Variants in RAB38 observed in about 807,000 individuals in gnomAD.
RAB38 encodes ras-related protein Rab-38.
Under a neutral mutation model 18.4 loss-of-function variants are expected in RAB38, and 15 were observed. The observed-to-expected ratio is 0.82, with a 90% CI of 0.55 to 1.26. The LOEUF (loss-of-function observed/expected upper bound fraction) is 1.26, where lower values mean the gene tolerates loss of function less well. RAB38 is among the 50% of genes most tolerant of loss of function. The pLI is 0.00. For missense variants in RAB38, 294 were observed against 267.4 expected, an observed-to-expected ratio of 1.10 and a Z score of -0.69; for synonymous variants, 101 against 104.4, an observed-to-expected ratio of 0.97 and a Z score of 0.20.
the RAB38 span, among the ~76,000 whole-genome samples, chr11:87,878,295 T>TACCTATC: frequency 2.8e-5 from 4 of 143,660 alleles, no homozygotes; most frequent in Non-Finnish European, 4.6e-5. Flanking sequence ...TCTATCTATC[T>TACCTATC]ATCTACCTAT....
chr11:87,907,717 T>A, the RAB38 span, among the ~76,000 whole-genome samples: 1,631 of 151,746 alleles, frequency 0.011, 32 homozygotes, highest in African/African-American at 0.036. Context: ...CTGGTTTTTT[T>A]AAAAATAAAT....
chr11:87,939,656 G>A, the RAB38 span, among the ~76,000 whole-genome samples: 17 of 151,960 alleles, frequency 1.1e-4, no homozygotes, highest in African/African-American at 1.9e-4. Context: ...CCAGGAGTGC[G>A]AGAGCAGCCT....
chr11:87,836,320 T>C, the RAB38 span, among the ~76,000 whole-genome samples: 4 of 152,318 alleles, frequency 2.6e-5, no homozygotes, highest in East Asian at 7.7e-4. Context: ...ATCTGTCCTT[T>C]CTCTGGCATT....
chr11:87,903,396 A>G, the RAB38 span, among the ~76,000 whole-genome samples: 4 of 151,432 alleles, frequency 2.6e-5, no homozygotes, highest in African/African-American at 9.7e-5. Context: ...CAAACTTTCA[A>G]TATTGGGGAA....
At chr11:88,019,344 G>A in the RAB38 span, among the ~76,000 whole-genome samples, 1 of 151,962 alleles carries the variant, frequency 6.6e-6, no homozygotes, top group African/African-American at 2.4e-5. Context: ...CAATCTGCCA[G>A]CACATCCTCT....
the RAB38 span, among the ~76,000 whole-genome samples, chr11:88,030,648 A>C: frequency 1.3e-5 from 2 of 152,192 alleles, no homozygotes; most frequent in Admixed American, 6.5e-5. Context: ...TAAATTCCTC[A>C]ACACATACAC....
chr11:87,849,019 C>G, the RAB38 span, among the ~76,000 whole-genome samples: 3 of 152,032 alleles, frequency 2.0e-5, no homozygotes, highest in African/African-American at 7.2e-5. Context: ...CCTCCCCAGG[C>G]TTAGTAATAA....
chr11:88,045,185 G>C, the RAB38 span, among the ~76,000 whole-genome samples: 219 of 152,198 alleles, frequency 1.4e-3, no homozygotes, highest in African/African-American at 4.9e-3. Flanking sequence ...TTCTCAACAT[G>C]CATTTTATTT....
At chr11:87,856,726 T>G in the RAB38 span, among the ~76,000 whole-genome samples, 1 of 152,148 alleles carries the variant, frequency 6.6e-6, no homozygotes, top group Non-Finnish European at 1.5e-5. Flanking sequence ...TCTTTTTAAT[T>G]TTAATTTTAC....
the RAB38 span, among the ~76,000 whole-genome samples, chr11:88,093,427 C>G: frequency 1.3e-5 from 2 of 151,720 alleles, no homozygotes; most frequent in Non-Finnish European, 2.9e-5. Context: ...TAAAAACAAC[C>G]TAAAACTGAT....
chr11:87,929,051 G>A, the RAB38 span, among the ~76,000 whole-genome samples: 1 of 152,014 alleles, frequency 6.6e-6, no homozygotes, highest in East Asian at 1.9e-4. Context: ...GGAAGTAGAG[G>A]TGGCAGTGAG....
chr11:88,004,051 G>GTA, the RAB38 span, among the ~76,000 whole-genome samples: 10 of 139,438 alleles, frequency 7.2e-5, no homozygotes, highest in African/African-American at 1.0e-4. Flanking sequence ...ATGGGAGAAG[G>GTA]TATATATATA....
At chr11:88,047,142 C>T in the RAB38 span, among the ~76,000 whole-genome samples, 1 of 152,160 alleles carries the variant, frequency 6.6e-6, no homozygotes, top group Non-Finnish European at 1.5e-5. Context: ...TATTTTCTTC[C>T]TCACACCTGA....
At chr11:88,066,128 T>C in the RAB38 span, among the ~76,000 whole-genome samples, 1 of 152,234 alleles carries the variant, frequency 6.6e-6, no homozygotes, top group Admixed American at 6.5e-5. Context: ...GAAGGTTAGA[T>C]AACAAGTTTA....
At chr11:88,063,469 T>C in the RAB38 span, among the ~76,000 whole-genome samples, 27 of 152,190 alleles carry the variant, frequency 1.8e-4, no homozygotes, top group East Asian at 4.5e-3. Context: ...TCTTTTTCAG[T>C]AGGGACATGG....
chr11:87,846,638 A>C, the RAB38 span, among the ~76,000 whole-genome samples: 1 of 152,106 alleles, frequency 6.6e-6, no homozygotes, highest in African/African-American at 2.4e-5. Context: ...TTGATAGACC[A>C]ATGAGACAAA....
the RAB38 span, among the ~76,000 whole-genome samples, chr11:87,906,849 GT>G: frequency 2.1e-3 from 319 of 151,844 alleles, 1 homozygote; most frequent in South Asian, 8.1e-3. Context: ...TATATCTTCA[GT>G]TTTGTTCCTT....
chr11:87,819,451 A>G, the RAB38 span, among the ~76,000 whole-genome samples: 4 of 151,312 alleles, frequency 2.6e-5, no homozygotes, highest in South Asian at 8.3e-4. Flanking sequence ...ACATAACAGG[A>G]TTTTTTTTTA....
the RAB38 span, among the ~76,000 whole-genome samples, chr11:87,928,022 G>A: frequency 1.3e-5 from 2 of 151,942 alleles, no homozygotes; most frequent in African/African-American, 4.8e-5. Context: ...AGGCTGCAGT[G>A]AGCTATGATT....
Sources: gnomAD v4.1 joint callset for allele counts (sites outside exome capture counted in the v4.1 genomes callset) on GRCh38, gnomAD v4.1.1 for gene constraint, MANE v1.5 for transcripts, NCBI Gene and HGNC (gene_info 2026-07-23, HGNC 2026-07-21) for gene names.